Variants in HMCN2 observed in about 807,000 individuals in gnomAD.
The protein encoded by HMCN2 is hemicentin 2, also known as hemicentin-2.
Under a neutral mutation model 377.5 loss-of-function variants are expected in HMCN2, and 325 were observed. The observed-to-expected ratio is 0.86, with a 90% CI of 0.79 to 0.94. The LOEUF is 0.94. Ranked by LOEUF, HMCN2 falls within the 40% of genes least tolerant of loss-of-function variation. The probability of loss-of-function intolerance (pLI) is 0.00; values close to 1 mark genes in which losing one functional copy is unlikely to be tolerated. For missense variants in HMCN2, 4,543 were observed against 4,725.3 expected, an observed-to-expected ratio of 0.96 and a Z score of 1.13; for synonymous variants, 2,007 against 2,046.8, an observed-to-expected ratio of 0.98 and a Z score of 0.53.
At chr9:130,307,004 C>A in intron 13 of HMCN2, 66 bp downstream of exon 13, 1 of 421,118 alleles carries the variant, frequency 2.4e-6, no homozygotes. Context: ...CCCTCCCTCC[C>A]ATCCATCAGT....
rs1325506893 is a variant in HMCN2 at position 130,394,330 on chromosome 9, G to T, written c.10502-55G>T. The T allele has an allele frequency of 3.5e-6, 4 of 1,150,992 alleles. No homozygotes were observed. Among genetic ancestry groups the T allele is most frequent in the Non-Finnish European group, 4.6e-6 (4 of 867,798 alleles). 71.3% of individuals were successfully genotyped at this position (1,150,992 alleles called of 1,614,324 possible). On this transcript the variant is annotated intron_variant, in intron 68 of 97. Coordinates refer to ENST00000683500, the MANE Select transcript of HMCN2 (RefSeq NM_001291815.2). The surrounding 1 kb of genome is among the most constrained non-coding windows in gnomAD (Gnocchi z 5.1). ...ACTCAGCACAGTGTTTTCAAGTGCG[G>T]TGCTGTCCCGGAAATGTGTGTCAAT... is the stretch of plus-strand genomic sequence containing the variant.
At position 130,427,293 on chromosome 9, in the gene HMCN2, C is replaced by G; in HGVS notation, c.13880-20C>G. The G allele has an allele frequency of 6.5e-7, 1 of 1,550,070 alleles. No individual in the cohort carries two copies. The highest frequency in any genetic ancestry group is 8.7e-7 in the Non-Finnish European group (1 of 1,146,620). ...GAGGACACCCTCATGTCCTTAGAGTCTATCCTCTTTGCTTTGCAGAGGAGA... is the reference window on the plus strand; with the variant it reads ...GAGGACACCCTCATGTCCTTAGAGTGTATCCTCTTTGCTTTGCAGAGGAGA... On this transcript the variant is annotated intron_variant, in intron 90 of 97. Transcript: ENST00000683500.
rs1360167294 is a variant in HMCN2, at chr9:130,386,508, C to T, written c.9375C>T (p.Phe3125=). 4.6e-6 allele frequency: 6 copies of T among 1,303,532 alleles called. No homozygotes were observed. The highest frequency in any genetic ancestry group is 6.1e-6 in the Non-Finnish European group (6 of 988,834). The allele number at this position is 1,303,532 out of a possible 1,614,324, so 80.7% of individuals were successfully genotyped here. A position where few individuals can be genotyped will look rare whatever the true frequency, so the allele number is the denominator to read the frequency against. The change falls in exon 61 of 98, where the codon TTC becomes TTT. Residue 3125 remains phenylalanine, a synonymous_variant. Coordinates refer to ENST00000683500, the MANE Select transcript of HMCN2 (RefSeq NM_001291815.2). ...TGGCTGGGGAGGCCGTGCGGACCTT[C>T]ACCCTCACCGTCCAGGGTAAGCCAG... The part of the protein sequence containing the change: ...SNVAGEAVRT[F]TLTVQVPPTF...
Position 130,428,412 on chromosome 9 carries a change from T to C in HMCN2, c.14120T>C (p.Val4707Ala). 6.5e-7 allele frequency: 1 copy of C among 1,547,688 alleles called. No homozygotes were observed. Among genetic ancestry groups the C allele is most frequent in the South Asian group, 1.2e-5 (1 of 84,058 alleles). ...CTCTGCCGAGAGGGACAGCGCTGTGTGAACCTGCTCGGGTCCTACCGCTGC... is the reference window on the plus strand; with the variant it reads ...CTCTGCCGAGAGGGACAGCGCTGTGCGAACCTGCTCGGGTCCTACCGCTGC... The part of the protein sequence containing the change: ...AHLCREGQRC[V>A]NLLGSYRCLP... The change falls in exon 93 of 98, where the codon GTG becomes GCG. Residue 4707 changes from valine to alanine, a missense_variant. Val to Ala is a moderately conservative substitution (Grantham distance 64). Around this residue, in one of 5 missense-constraint regions of HMCN2, gnomAD observed 1,155 missense variants for 1,157.7 expected, o/e 1.00. Transcript: ENST00000683500. This position sits in a 1 kb window ranked among gnomAD's most constrained non-coding sequence, Gnocchi z 5.0.
Position 130,360,698 on chromosome 9 carries a change from C to G in HMCN2, c.5950+94C>G. 2 of 652,140 alleles carry G rather than the reference C, an allele frequency of 3.1e-6. No homozygotes were observed. Among genetic ancestry groups the G allele is most frequent in the Non-Finnish European group, 4.5e-6 (2 of 442,532 alleles). 40.4% of individuals were successfully genotyped at this position (652,140 alleles called of 1,614,324 possible). A position where few individuals can be genotyped will look rare whatever the true frequency, so the allele number is the denominator to read the frequency against. Reference sequence around the variant, plus strand: ...CTGTCCATCCACCTGTCCACTCATCCATCCATCTACCACCCCATCCATCCG... The same window carrying G: ...CTGTCCATCCACCTGTCCACTCATCGATCCATCTACCACCCCATCCATCCG... On this transcript the variant is annotated intron_variant, in intron 38 of 97. Coordinates refer to ENST00000683500, the MANE Select transcript of HMCN2 (RefSeq NM_001291815.2). This position sits in a 1 kb window ranked among gnomAD's most constrained non-coding sequence, Gnocchi z 4.7.
chr9:130,395,206 C>CT lies in HMCN2; in HGVS notation c.10775-5_10775-4insT. On this transcript the variant is annotated splice_polypyrimidine_tract_variant and splice_region_variant and intron_variant, in intron 70 of 97. Transcript: ENST00000683500. Reference sequence around the variant, plus strand: ...TCATATCCTCTTGTGCCACCCCCTTCCCAGCCCCTCCAAACATTGTTGGGC... The same window carrying CT: ...TCATATCCTCTTGTGCCACCCCCTTCTCCAGCCCCTCCAAACATTGTTGGGC... The CT allele has an allele frequency of 1.6e-6, 2 of 1,287,454 alleles. No homozygotes were observed. Among genetic ancestry groups the CT allele is most frequent in the Non-Finnish European group, 2.0e-6 (2 of 987,732 alleles). The allele number at this position is 1,287,454 out of a possible 1,614,324, so 79.8% of individuals were successfully genotyped here.
rs372653097 is a variant in HMCN2 at position 130,268,586 on chromosome 9, A to AC, written c.259+2457dup. ...AAGCAAGGAAGGGGGCTAAGGAAAG[A>AC]CCCCCCCCTGAGGAAGCAGCCTGTG... On this transcript the variant is annotated intron_variant, in intron 1 of 97. Coordinates refer to ENST00000683500, the MANE Select transcript of HMCN2 (RefSeq NM_001291815.2). 5.0e-3 allele frequency among the ~76,000 whole-genome samples: 735 copies of AC among 147,480 alleles called. 16 individuals are homozygous for AC. The highest frequency in any genetic ancestry group is 0.016 in the African/African-American group (662 of 40,970).
At chr9:130,342,012 A>AAAATAAATAAATAAATAAATAAAT (rs1221408865) in intron 24 of HMCN2, among the ~76,000 whole-genome samples, 2 of 130,692 alleles carry the variant, frequency 1.5e-5, no homozygotes, top group Non-Finnish European at 3.2e-5. Context: ...CCCATCTCTT[A>AAAATAAATAAATAAATAAATAAAT]AAATAAATAA....
chr9:130,289,671 C>T (rs536306888), intron 4 of HMCN2, among the ~76,000 whole-genome samples: 2 of 152,162 alleles, frequency 1.3e-5, no homozygotes, highest in East Asian at 1.9e-4. Context: ...ATCCCACCCC[C>T]CCGTGCTTCA....
At chr9:130,321,637 C>T (rs1193977668) in intron 18 of HMCN2, 150 bp from the exon 19 acceptor site, 6 of 152,306 alleles carry the variant, frequency 3.9e-5, no homozygotes, top group African/African-American at 1.4e-4. Context: ...GAAGGACTCA[C>T]AGAGCTCCTC....
At chr9:130,329,493 A>ACTAATTTACACTCACAACAC (rs1838309014) in intron 22 of HMCN2, among the ~76,000 whole-genome samples, 3 of 132,030 alleles carry the variant, frequency 2.3e-5, no homozygotes, top group Admixed American at 9.2e-5. Flanking sequence ...GCCAGGCTGG[A>ACTAATTTACACTCACAACAC]GTGCAGTGGT....
chr9:130,409,486 T>C (rs987189979), intron 84 of HMCN2, among the ~76,000 whole-genome samples: 5 of 152,242 alleles, frequency 3.3e-5, no homozygotes, highest in East Asian at 3.9e-4. Flanking sequence ...AAGTCAGTCC[T>C]GACTCAAGTT....
chr9:130,275,094 C>T (rs574246986), intron 1 of HMCN2, among the ~76,000 whole-genome samples: 1 of 152,316 alleles, frequency 6.6e-6, no homozygotes, highest in African/African-American at 2.4e-5. Context: ...TGTGTTTCCC[C>T]ACACCGCCGC....
At chr9:130,317,093 T>G in intron 15 of HMCN2, among the ~76,000 whole-genome samples, 2 of 136,032 alleles carry the variant, frequency 1.5e-5, no homozygotes, top group East Asian at 2.1e-4. Flanking sequence ...ATGGAGGGGG[T>G]GAGTGCAGCT....
At chr9:130,280,419 G>A (rs1446700755) in intron 1 of HMCN2, among the ~76,000 whole-genome samples, 2 of 150,784 alleles carry the variant, frequency 1.3e-5, no homozygotes, top group East Asian at 2.0e-4. Flanking sequence ...TGATCCTCCC[G>A]CCTCGGCCTC....
intron 1 of HMCN2, among the ~76,000 whole-genome samples, chr9:130,273,952 A>G (rs950076813): frequency 6.6e-6 from 1 of 152,258 alleles, no homozygotes; most frequent in Non-Finnish European, 1.5e-5. Context: ...AAAACAAAAA[A>G]TCCAAACAGG....
At chr9:130,274,663 T>A (rs1266293918) in intron 1 of HMCN2, among the ~76,000 whole-genome samples, 1 of 152,240 alleles carries the variant, frequency 6.6e-6, no homozygotes, top group Admixed American at 6.5e-5. Context: ...CACTCTGGTG[T>A]CCTTCCAGAT....
At chr9:130,426,796 G>A (rs1231060941) in intron 90 of HMCN2, among the ~76,000 whole-genome samples, 3 of 146,874 alleles carry the variant, frequency 2.0e-5, no homozygotes, top group Non-Finnish European at 3.0e-5. Flanking sequence ...GCTATCCTTA[G>A]TGTTGGTGTA....
chr9:130,427,720 C>A, intron 92 of HMCN2, 101 bp downstream of exon 92: 2 of 1,387,050 alleles, frequency 1.4e-6, no homozygotes, highest in Non-Finnish European at 1.9e-6. Context: ...GGGACACAGA[C>A]CTGCAGGGAT....
Sources: allele counts gnomAD v4.1 joint callset (sites outside exome capture counted in the v4.1 genomes callset), GRCh38; gene constraint gnomAD v4.1.1; regional missense constraint gnomAD v4.1.1; non-coding constraint Gnocchi (gnomAD v3.1); transcripts MANE v1.5; gene names NCBI Gene and HGNC (gene_info 2026-07-23, HGNC 2026-07-21).